The following ALPK2 variants were observed in gnomAD, a reference collection of about 807,000 sequenced individuals.
The protein encoded by ALPK2 is alpha-protein kinase 2.
A neutral mutation model predicts 163.1 loss-of-function variants in ALPK2; 127 were observed. The ratio of observed to expected loss-of-function variants is 0.78; its 90% CI spans 0.67 to 0.90. The LOEUF (loss-of-function observed/expected upper bound fraction) is 0.90, where lower values mean the gene tolerates loss of function less well. Among genes scored for constraint, ALPK2 ranks in the 40% least tolerant of loss-of-function variants. The pLI is 0.00. For missense variants in ALPK2, 2,360 were observed against 2,589.6 expected (o/e 0.91, Z 1.92); for synonymous variants, 953 against 959.1 (o/e 0.99, Z 0.12).
intron 1 of ALPK2, among the ~76,000 whole-genome samples, chr18:58,621,165 A>C: frequency 6.6e-6 from 1 of 151,726 alleles, no homozygotes; most frequent in East Asian, 1.9e-4. Flanking sequence ...AACAAAAAAA[A>C]AAAAATGAGA....
intron 4 of ALPK2, among the ~76,000 whole-genome samples, chr18:58,550,932 T>TACATGCAATCCCATCCCCACCTCCATC (rs2051756204): frequency 1.5e-5 from 1 of 67,508 alleles, no homozygotes; most frequent in Admixed American, 1.3e-4. Context: ...CCACCTCCAT[T>TACATGCAATCCCATCCCCACCTCCATC]ACATACAATC....
At position 58,559,551 on chromosome 18, in the gene ALPK2, A is replaced by T. The variant is rs973717402; in HGVS notation, c.1962+19263T>A. 3.3e-5 allele frequency among the ~76,000 whole-genome samples: 5 copies of T among 152,286 alleles called. No homozygotes were observed. In the East Asian group the frequency reaches 9.6e-4, roughly 29 times the overall value. ...GTCCTCAGGCCAGGAACTCCTAGTG[A>T]TTCTGTGGACTTGGAAACTTCCTAA... On this transcript the variant is annotated intron_variant, in intron 4 of 12. Coordinates refer to ENST00000361673, the MANE Select transcript of ALPK2 (RefSeq NM_052947.4).
At chr18:58,506,589 G>C (rs2051463128) in intron 10 of ALPK2, among the ~76,000 whole-genome samples, 1 of 152,156 alleles carries the variant, frequency 6.6e-6, no homozygotes, top group Non-Finnish European at 1.5e-5. Context: ...CAGGAGGGCA[G>C]AGGTGACTAA....
chr18:58,616,307 G>A (rs1410117295), intron 1 of ALPK2, among the ~76,000 whole-genome samples: 1 of 152,198 alleles, frequency 6.6e-6, no homozygotes, highest in Non-Finnish European at 1.5e-5. Context: ...TTGGGAAACA[G>A]AATCTCTCTC....
intron 4 of ALPK2, among the ~76,000 whole-genome samples, chr18:58,557,400 C>T (rs1301847177): frequency 6.6e-6 from 1 of 152,122 alleles, no homozygotes; most frequent in Non-Finnish European, 1.5e-5. Context: ...GAGAGGGAAC[C>T]CTCATGTAAA....
intron 5 of ALPK2, among the ~76,000 whole-genome samples, chr18:58,530,805 GT>G (rs2051609975): frequency 6.6e-6 from 1 of 152,174 alleles, no homozygotes; most frequent in African/African-American, 2.4e-5. Context: ...AGTGCAGCTA[GT>G]TTTTTCTTCC....
Position 58,537,885 on chromosome 18 carries a change from A to C in ALPK2, c.2302T>G (p.Phe768Val), listed in dbSNP as rs1202984151. ...ACAGAGACAGCCACAGGCTCCCTGA[A>C]GTCAGCACGAGCATCCTTGGGGAGA... ...RHLPKDARADFREPVAVSVAS... is the reference protein window; with the variant it reads ...RHLPKDARADVREPVAVSVAS... The change falls in exon 5 of 13, where the codon TTC becomes GTC. Residue 768 changes from phenylalanine (F) to valine (V), a missense_variant. By Grantham distance (50) the Phe-to-Val change is conservative. Transcript: ENST00000361673. The C allele has an allele frequency of 6.2e-7, 1 of 1,614,188 alleles. No homozygotes were observed. The highest frequency in any genetic ancestry group is 1.7e-5 in the Admixed American group (1 of 60,024).
intron 4 of ALPK2, chr18:58,566,550 G>A (rs2051854288): frequency 6.6e-6 from 1 of 152,238 alleles, no homozygotes; most frequent in Non-Finnish European, 1.5e-5. Flanking sequence ...ACAGCAGGCA[G>A]TAGATTTGTT....
intron 4 of ALPK2, among the ~76,000 whole-genome samples, chr18:58,577,341 C>T (rs942324549): frequency 3.3e-5 from 5 of 152,160 alleles, no homozygotes; most frequent in African/African-American, 1.2e-4. Context: ...TTCCCTTCCA[C>T]TTCTTTTGAG....
At chr18:58,526,638 G>T (rs1602201596) in intron 6 of ALPK2, among the ~76,000 whole-genome samples, 1 of 152,180 alleles carries the variant, frequency 6.6e-6, no homozygotes, top group Admixed American at 6.5e-5. Flanking sequence ...ACCAGAGGGT[G>T]CCACCTTGAG....
At chr18:58,604,672 C>A (rs550942156) in intron 3 of ALPK2, among the ~76,000 whole-genome samples, 1 of 152,176 alleles carries the variant, frequency 6.6e-6, no homozygotes, top group African/African-American at 2.4e-5. Flanking sequence ...TCTTGCATTA[C>A]GACGGAATAC....
intron 5 of ALPK2, among the ~76,000 whole-genome samples, chr18:58,532,347 G>A (rs982145890): frequency 1.3e-5 from 2 of 152,202 alleles, no homozygotes; most frequent in Admixed American, 1.3e-4. Flanking sequence ...GGGAGAGGTT[G>A]GCCGCCAGTG....
In ALPK2 at chr18:58,536,409, T is replaced by C. The variant is rs199995317; in HGVS notation, c.3778A>G (p.Lys1260Glu). The change falls in exon 5 of 13, where the codon AAG (lysine) becomes GAG (glutamate). Residue 1260 changes from lysine to glutamate, a missense_variant. Transcript: ENST00000361673. ...PPRQLTNSES[K>E]ASDGGLIIPD... Reference sequence around the variant, plus strand: ...ATTATGAGACCACCGTCTGATGCCTTGCTCTCAGAATTTGTCAGTTGTCGT... The same window carrying C: ...ATTATGAGACCACCGTCTGATGCCTCGCTCTCAGAATTTGTCAGTTGTCGT... 2 of 1,614,218 alleles carry C rather than the reference T, an allele frequency of 1.2e-6. No homozygotes were observed. Among genetic ancestry groups the C allele is most frequent in the Non-Finnish European group, 1.7e-6 (2 of 1,180,034 alleles).
chr18:58,605,402 G>C (rs932079875), intron 3 of ALPK2, among the ~76,000 whole-genome samples: 1 of 152,212 alleles, frequency 6.6e-6, no homozygotes, highest in East Asian at 1.9e-4. Flanking sequence ...AATAGATAGA[G>C]AAGGGAGAGA....
chr18:58,546,158 G>C (rs12456021), intron 4 of ALPK2, among the ~76,000 whole-genome samples: 1 of 152,036 alleles, frequency 6.6e-6, no homozygotes, highest in Non-Finnish European at 1.5e-5. Context: ...TAACTTCCTT[G>C]ATATTCATCT....
chr18:58,601,146 C>G (rs1450408628), intron 3 of ALPK2, among the ~76,000 whole-genome samples: 1 of 152,036 alleles, frequency 6.6e-6, no homozygotes, highest in Admixed American at 6.5e-5. Context: ...ACCCCAGCTA[C>G]TTGGAAGGCT....
At chr18:58,510,181 G>C (rs1372695354) in intron 10 of ALPK2, among the ~76,000 whole-genome samples, 1 of 152,136 alleles carries the variant, frequency 6.6e-6, no homozygotes, top group East Asian at 1.9e-4. Flanking sequence ...GTTTGTCAAC[G>C]ATCAGATAGT....
At chr18:58,486,963 T>C (rs1248519779) in intron 12 of ALPK2, among the ~76,000 whole-genome samples, 3 of 152,228 alleles carry the variant, frequency 2.0e-5, no homozygotes, top group South Asian at 2.1e-4. Flanking sequence ...CCACCTTACA[T>C]GCGACATGTG....
chr18:58,617,534 C>A (rs1184583931), intron 1 of ALPK2, among the ~76,000 whole-genome samples: 3 of 152,064 alleles, frequency 2.0e-5, no homozygotes, highest in Non-Finnish European at 1.5e-5. Flanking sequence ...TATACTGATC[C>A]TAAGTGGATA....
Sources: gnomAD v4.1 joint callset for allele counts (sites outside exome capture counted in the v4.1 genomes callset) on GRCh38, gnomAD v4.1.1 for gene constraint, MANE v1.5 for transcripts, NCBI Gene and HGNC (gene_info 2026-07-23, HGNC 2026-07-21) for gene names.